The following STIM2 variants were observed in gnomAD, a reference collection of about 807,000 sequenced individuals.
STIM2 encodes stromal interaction molecule 2.
A neutral mutation model predicts 85.8 loss-of-function variants in STIM2; 31 were observed. The ratio of observed to expected loss-of-function variants is 0.36; its 90% CI spans 0.27 to 0.49. STIM2 has a LOEUF of 0.49. STIM2 is among the 20% of genes least tolerant of loss of function. The pLI is 0.98. For synonymous variants in STIM2, 356 were observed against 331.1 expected (o/e 1.08, Z -0.82); for missense variants, 841 against 927.6 (o/e 0.91, Z 1.21).
In STIM2 at chr4:27,023,156, T is replaced by A; in HGVS notation, c.*160T>A. 1.5e-6 allele frequency: 1 copy of A among 674,778 alleles called. No individual in the cohort carries two copies. The highest frequency in any genetic ancestry group is 2.6e-6 in the Non-Finnish European group (1 of 389,000). The allele number at this position is 674,778 out of a possible 1,614,324, so 41.8% of individuals were successfully genotyped here. A position where few individuals can be genotyped will look rare whatever the true frequency, so the allele number is the denominator to read the frequency against. On this transcript the variant is annotated 3_prime_UTR_variant, in exon 12 of 12. Coordinates refer to ENST00000467087, the MANE Select transcript of STIM2 (RefSeq NM_020860.4). ...TGGAACATCCAGAAGGGCAACTGTC[T>A]ACTGTCTGCTTATTTAAGTGACTAT...
At chr4:26,991,317 A>C (rs992501105) in intron 3 of STIM2, among the ~76,000 whole-genome samples, 1 of 152,160 alleles carries the variant, frequency 6.6e-6, no homozygotes, top group Admixed American at 6.6e-5. Context: ...TAAGTGAAAT[A>C]AACCAGGCAC....
Position 27,008,512 on chromosome 4 carries a change from A to G in STIM2, c.1234A>G (p.Lys412Glu), listed in dbSNP as rs1185888570. The change falls in exon 9 of 12, where the codon AAA becomes GAA. Residue 412 changes from lysine (K) to glutamate (E), a missense_variant. Around this residue, in one of 3 missense-constraint regions of STIM2, gnomAD observed 408 missense variants for 525.4 expected, o/e 0.78. Coordinates refer to ENST00000467087, the MANE Select transcript of STIM2 (RefSeq NM_020860.4). ...CTCCTCCCTAGATGAGGTAGACCAC[A>G]AAATTCTGGAAGCAAAGTAAGAATG... The G allele has an allele frequency of 6.3e-7, 1 of 1,594,886 alleles. No individual in the cohort carries two copies. Among genetic ancestry groups the G allele is most frequent in the Non-Finnish European group, 8.5e-7 (1 of 1,171,832 alleles).
intron 1 of STIM2, among the ~76,000 whole-genome samples, chr4:26,916,456 A>G (rs559984652): frequency 2.6e-5 from 4 of 152,284 alleles, no homozygotes; most frequent in Non-Finnish European, 4.4e-5. Flanking sequence ...TCACCATCCT[A>G]TTCCACTGTC....
chr4:27,021,603 G>C (rs1163227818), intron 11 of STIM2: 18 of 456,622 alleles, frequency 3.9e-5, no homozygotes, highest in Non-Finnish European at 7.5e-5. Flanking sequence ...AAAGCACTGG[G>C]AAGTTTCAAG....
At chr4:26,862,607 G>T (rs1045688088) in intron 1 of STIM2, among the ~76,000 whole-genome samples, 1 of 152,170 alleles carries the variant, frequency 6.6e-6, no homozygotes, top group African/African-American at 2.4e-5. Context: ...AGGATGTAGA[G>T]TATAGAACAT....
intron 1 of STIM2, among the ~76,000 whole-genome samples, chr4:26,910,168 A>G (rs1040571679): frequency 6.6e-6 from 1 of 152,198 alleles, no homozygotes; most frequent in African/African-American, 2.4e-5. Context: ...TAGATGCTAC[A>G]ATGTTATATA....
At chr4:26,991,563 G>T (rs1032773987) in intron 3 of STIM2, among the ~76,000 whole-genome samples, 5 of 152,096 alleles carry the variant, frequency 3.3e-5, no homozygotes, top group Non-Finnish European at 7.4e-5. Context: ...CAAATAGCTG[G>T]AAGATAATTA....
At chr4:26,892,586 C>G (rs575277721) in intron 1 of STIM2, among the ~76,000 whole-genome samples, 6 of 152,232 alleles carry the variant, frequency 3.9e-5, no homozygotes, top group African/African-American at 1.4e-4. Flanking sequence ...TTACTCATTT[C>G]TTACCTTCTG....
In STIM2 at chr4:27,024,964, C is replaced by T. The variant is rs902570691; in HGVS notation, c.*1968C>T. ...GAGTGAAGATGGGAGGAGCTGTTAG[C>T]AAGGCCCACTGCTGCTCCTGGGTGA... On this transcript the variant is annotated 3_prime_UTR_variant, in exon 12 of 12. Coordinates refer to ENST00000467087, the MANE Select transcript of STIM2 (RefSeq NM_020860.4). The T allele has an allele frequency of 2.0e-5, 3 of 152,184 alleles. No homozygotes were observed. Among genetic ancestry groups the T allele is most frequent in the Non-Finnish European group, 2.9e-5 (2 of 68,042 alleles). 9.4% of individuals were successfully genotyped at this position (152,184 alleles called of 1,614,324 possible).
At chr4:26,861,560 C>A in intron 1 of STIM2, 191 bp downstream of exon 1, 2 of 873,718 alleles carry the variant, frequency 2.3e-6, no homozygotes, top group Non-Finnish European at 3.0e-6. Context: ...CCCGACACCC[C>A]GCCCTCGCCG....
chr4:26,882,861 G>A (rs1723064182), intron 1 of STIM2, among the ~76,000 whole-genome samples: 1 of 141,304 alleles, frequency 7.1e-6, no homozygotes, highest in Admixed American at 7.1e-5. Flanking sequence ...TTATTGAGAT[G>A]GAATCTCCCT....
intron 3 of STIM2, among the ~76,000 whole-genome samples, chr4:26,976,653 A>G (rs1727210985): frequency 6.6e-6 from 1 of 151,938 alleles, no homozygotes. Flanking sequence ...CTAAAAATAC[A>G]AAAATTAGCT....
chr4:26,895,313 T>C (rs1312540788), intron 1 of STIM2, among the ~76,000 whole-genome samples: 1 of 152,216 alleles, frequency 6.6e-6, no homozygotes. Context: ...CTAGAGGTCT[T>C]GCAGCTTGTT....
chr4:26,994,001 T>C (rs1044541804), intron 3 of STIM2, among the ~76,000 whole-genome samples: 34 of 152,114 alleles, frequency 2.2e-4, no homozygotes, highest in African/African-American at 8.2e-4. Context: ...AAAATAAATA[T>C]CCAGGAGAAG....
At chr4:26,936,988 C>T (rs772452065) in intron 2 of STIM2, among the ~76,000 whole-genome samples, 6 of 151,918 alleles carry the variant, frequency 3.9e-5, no homozygotes, top group Middle Eastern at 3.2e-3. Flanking sequence ...GGGGTTCCAG[C>T]GTGTTGCCAG....
chr4:26,970,200 T>C, intron 3 of STIM2, among the ~76,000 whole-genome samples: 1 of 8,412 alleles, frequency 1.2e-4, no homozygotes, highest in African/African-American at 2.4e-4. Context: ...AGTGTGTGTG[T>C]ATATATATAT....
At chr4:26,901,399 G>A (rs182809692) in intron 1 of STIM2, among the ~76,000 whole-genome samples, 2 of 152,074 alleles carry the variant, frequency 1.3e-5, no homozygotes, top group African/African-American at 4.8e-5. Flanking sequence ...TACTTTTATT[G>A]ACTTAAAGCT....
At chr4:26,980,860 T>C (rs970490140) in intron 3 of STIM2, among the ~76,000 whole-genome samples, 1 of 152,172 alleles carries the variant, frequency 6.6e-6, no homozygotes, top group Non-Finnish European at 1.5e-5. Context: ...CTTAAATCCA[T>C]ATTAGAAGCT....
intron 2 of STIM2, among the ~76,000 whole-genome samples, chr4:26,951,925 A>C (rs1193342953): frequency 6.6e-6 from 1 of 152,152 alleles, no homozygotes; most frequent in Non-Finnish European, 1.5e-5. Flanking sequence ...GCCAAAGCCT[A>C]ATGGTAGATT....
Sources: allele counts gnomAD v4.1 joint callset (sites outside exome capture counted in the v4.1 genomes callset), GRCh38; gene constraint gnomAD v4.1.1; regional missense constraint gnomAD v4.1.1; transcripts MANE v1.5; gene names NCBI Gene and HGNC (gene_info 2026-07-23, HGNC 2026-07-21).